The following KIF3C variants were observed in gnomAD, a reference collection of about 807,000 sequenced individuals.
KIF3C encodes kinesin family member 3C.
Under a neutral mutation model 67.7 loss-of-function variants are expected in KIF3C, and 12 were observed. That is an observed-to-expected ratio of 0.18 (90% CI 0.11 to 0.29). The LOEUF is 0.29. Ranked by LOEUF, KIF3C falls within the 10% of genes least tolerant of loss-of-function variation. The pLI is 1.00. For synonymous variants in KIF3C, 393 were observed against 426.2 expected (o/e 0.92, Z 0.96); for missense variants, 789 against 1,059.6 (o/e 0.74, Z 3.55).
chr2:25,953,702 G>A (rs1156446418), intron 4 of KIF3C, among the ~76,000 whole-genome samples: 40 of 139,148 alleles, frequency 2.9e-4, no homozygotes, highest in African/African-American at 9.0e-4. Context: ...ACGTTGTCTC[G>A]CTCTGTCGCC....
At chr2:25,936,785 C>T (rs1663142910) in intron 5 of KIF3C, among the ~76,000 whole-genome samples, 1 of 152,142 alleles carries the variant, frequency 6.6e-6, no homozygotes, top group African/African-American at 2.4e-5. Flanking sequence ...GTGCTATTCA[C>T]TTTCAGCAAT....
chr2:25,964,476 T>C (rs1664092434), intron 1 of KIF3C, among the ~76,000 whole-genome samples: 1 of 152,174 alleles, frequency 6.6e-6, no homozygotes, highest in Admixed American at 6.5e-5. Context: ...GATTTTTCTT[T>C]TTCCATTAGA....
intron 1 of KIF3C, among the ~76,000 whole-genome samples, chr2:25,971,557 A>G (rs1664285312): frequency 6.6e-6 from 1 of 152,202 alleles, no homozygotes; most frequent in Non-Finnish European, 1.5e-5. Flanking sequence ...TATGAGGTGG[A>G]GTTAATGCCC....
chr2:25,978,146 C>A (rs1664464164), intron 1 of KIF3C, among the ~76,000 whole-genome samples: 1 of 152,092 alleles, frequency 6.6e-6, no homozygotes, highest in Non-Finnish European at 1.5e-5. Flanking sequence ...ATCTGAGATG[C>A]CTTGGAAAGA....
chr2:25,980,317 T>A lies in KIF3C; in HGVS notation c.1545+56A>T. ...CACAGACTCTCAAAGAAGAGCCTCC[T>A]TGCCGGGATCCCCTGCGGGGACATC... On this transcript the variant is annotated intron_variant, in intron 1 of 7. Coordinates refer to ENST00000264712, the MANE Select transcript of KIF3C (RefSeq NM_002254.8). This position sits in a 1 kb window ranked among gnomAD's most constrained non-coding sequence, Gnocchi z 7.6. The A allele has an allele frequency of 7.0e-7, 1 of 1,434,878 alleles. No individual in the cohort carries two copies. The highest frequency in any genetic ancestry group is 9.6e-7 in the Non-Finnish European group (1 of 1,046,408). The allele number at this position is 1,434,878 out of a possible 1,614,324, so 88.9% of individuals were successfully genotyped here. A position where few individuals can be genotyped will look rare whatever the true frequency, so the allele number is the denominator to read the frequency against.
chr2:25,938,268 G>A (rs1471554143), intron 5 of KIF3C: 3 of 452,220 alleles, frequency 6.6e-6, no homozygotes, highest in South Asian at 3.1e-5. Context: ...GTTACTCAGA[G>A]AATTGCTTGA....
chr2:25,934,037 A>G, intron 5 of KIF3C: 2 of 434,528 alleles, frequency 4.6e-6, no homozygotes, highest in Admixed American at 2.7e-5. Context: ...ACTCACCAAT[A>G]CAAAGGAATG....
chr2:25,935,166 C>T (rs1463854439), intron 5 of KIF3C, among the ~76,000 whole-genome samples: 1 of 152,010 alleles, frequency 6.6e-6, no homozygotes, highest in East Asian at 1.9e-4. Context: ...ATCACTTGAA[C>T]CTGGGAGGCA....
intron 6 of KIF3C, among the ~76,000 whole-genome samples, chr2:25,929,751 G>GA (rs2090442753): frequency 6.6e-6 from 1 of 151,878 alleles, no homozygotes; most frequent in South Asian, 2.1e-4. Flanking sequence ...AAGTAGCTGG[G>GA]ACTATAGGCA....
chr2:25,970,707 G>T (rs1194194856), intron 1 of KIF3C, among the ~76,000 whole-genome samples: 1 of 150,800 alleles, frequency 6.6e-6, no homozygotes, highest in Non-Finnish European at 1.5e-5. Context: ...ACATCAGAGT[G>T]GTTGGCATTA....
chr2:25,981,961 G>T lies in KIF3C; in HGVS notation c.-44C>A. The T allele has an allele frequency of 6.8e-7, 1 of 1,472,548 alleles. No individual in the cohort carries two copies. The allele number at this position is 1,472,548 out of a possible 1,614,324, so 91.2% of individuals were successfully genotyped here. A position where few individuals can be genotyped will look rare whatever the true frequency, so the allele number is the denominator to read the frequency against. On this transcript the variant is annotated 5_prime_UTR_variant, in exon 1 of 8. Coordinates refer to ENST00000264712, the MANE Select transcript of KIF3C (RefSeq NM_002254.8). This position sits in a 1 kb window ranked among gnomAD's most constrained non-coding sequence, Gnocchi z 8.2. ...CTGCCCCCGAGCCCCTCCGCAGCCT[G>T]GGCGGTCCTGCTATCCTGCTCGCTA...
Position 25,981,627 on chromosome 2 carries a change from G to A in KIF3C, c.291C>T (p.Gly97=). Residue 97 remains glycine, a synonymous_variant, in exon 1 of 8, where the codon GGC becomes GGT. Coordinates refer to ENST00000264712, the MANE Select transcript of KIF3C (RefSeq NM_002254.8). The surrounding 1 kb of genome is among the most constrained non-coding windows in gnomAD (Gnocchi z 8.2). ...TATAGGTCTTGCCAGTGCCCGTCTG[G>A]CCATAGGCAAACACCGTGCCATTGA... ...QGFNGTVFAY[G]QTGTGKTYTM... is the part of the protein sequence containing the mutation. The A allele has an allele frequency of 4.3e-6, 7 of 1,614,188 alleles. No individual in the cohort carries two copies. The highest frequency in any genetic ancestry group is 5.9e-6 in the Non-Finnish European group (7 of 1,180,048).
At chr2:25,962,976 TATATA>T (rs1397511229) in intron 1 of KIF3C, among the ~76,000 whole-genome samples, 2 of 46,392 alleles carry the variant, frequency 4.3e-5, no homozygotes, top group Admixed American at 4.2e-4. Context: ...TAATATATAA[TATATA>T]ATATATAATA....
In KIF3C at chr2:25,980,438, CCTTCTCCTCCAGCAGCTTCTG is replaced by C. The variant is rs1664534619; in HGVS notation, c.1459_1479del (p.Gln487_Lys493del). ...CGCCGCAGGTCCTCCAGCATCTTCT[CCTTCTCCTCCAGCAGCTTCTG>C]CTTCTCCTCGCTCACCAGGCTGCGG... On this transcript the variant is annotated inframe_deletion, in exon 1 of 8. Transcript: ENST00000264712. This position sits in a 1 kb window ranked among gnomAD's most constrained non-coding sequence, Gnocchi z 7.6. The C allele has an allele frequency of 6.2e-7, 1 of 1,614,012 alleles. No homozygotes were observed.
chr2:25,973,876 A>G (rs770990222), intron 1 of KIF3C, among the ~76,000 whole-genome samples: 4 of 152,190 alleles, frequency 2.6e-5, no homozygotes, highest in Non-Finnish European at 5.9e-5. Flanking sequence ...GGCAGGCAAG[A>G]TAGAAGAGAT....
intron 1 of KIF3C, among the ~76,000 whole-genome samples, chr2:25,977,015 C>A (rs1395822600): frequency 1.3e-5 from 2 of 152,058 alleles, no homozygotes; most frequent in Non-Finnish European, 2.9e-5. Flanking sequence ...CAAGCTCCCA[C>A]CAGCATTTCC....
At chr2:25,957,651 T>C (rs1663840690) in intron 1 of KIF3C, among the ~76,000 whole-genome samples, 2 of 152,228 alleles carry the variant, frequency 1.3e-5, no homozygotes, top group South Asian at 4.2e-4. Flanking sequence ...CAGGGGGTGC[T>C]GTCAGACTTG....
chr2:25,946,208 G>T (rs914941106), intron 5 of KIF3C, among the ~76,000 whole-genome samples: 1 of 152,202 alleles, frequency 6.6e-6, no homozygotes, highest in Non-Finnish European at 1.5e-5. Flanking sequence ...GCAAAGAACT[G>T]ACTCTCTTTT....
chr2:25,947,450 A>G (rs894310355), intron 5 of KIF3C, among the ~76,000 whole-genome samples: 16 of 149,478 alleles, frequency 1.1e-4, no homozygotes, highest in East Asian at 2.0e-4. Context: ...GTGTGGTGGC[A>G]GGCACCTGTA....
Sources: gnomAD v4.1 joint callset for allele counts (sites outside exome capture counted in the v4.1 genomes callset) on GRCh38, gnomAD v4.1.1 for gene constraint, Gnocchi (gnomAD v3.1) non-coding constraint, MANE v1.5 for transcripts, NCBI Gene and HGNC (gene_info 2026-07-23, HGNC 2026-07-21) for gene names.